Variants in TBC1D9 observed in about 807,000 individuals in gnomAD.
TBC1D9 encodes the protein TBC1 domain family member 9A.
In TBC1D9, 63 loss-of-function variants were observed where a neutral mutation model predicts 132.0. That is an observed-to-expected ratio of 0.48 (90% confidence interval 0.39 to 0.59). TBC1D9 has a LOEUF of 0.59. Among genes scored for constraint, TBC1D9 ranks in the 20% least tolerant of loss-of-function variants. TBC1D9 has a pLI of 0.00. For missense variants in TBC1D9, 1,261 were observed against 1,592.7 expected (o/e 0.79, Z 3.54); for synonymous variants, 610 against 609.9 (o/e 1.00, Z 0.00).
intron 1 of TBC1D9, among the ~76,000 whole-genome samples, chr4:140,733,839 AC>A (rs1362097544): frequency 6.6e-6 from 1 of 152,238 alleles, no homozygotes; most frequent in Non-Finnish European, 1.5e-5. Context: ...ATTCAAAAAA[AC>A]AAATGGGCTG....
At position 140,659,616 on chromosome 4, in the gene TBC1D9, G is replaced by A; in HGVS notation, c.1893C>T (p.Leu631=). ...WLLVALCERM[L]PDYYNTRVVG... ...CAACTCTGGTGTTGTAGTAATCTGG[G>A]AGCATGCGCTCACACAAAGCCACAA... is the stretch of plus-strand genomic sequence containing the variant. The change falls in exon 11 of 21, where the codon CTC becomes CTT. Residue 631 remains leucine (L), a synonymous_variant. Coordinates refer to ENST00000442267, the MANE Select transcript of TBC1D9 (RefSeq NM_015130.3). 1.2e-6 allele frequency: 2 copies of A among 1,602,744 alleles called. No individual in the cohort carries two copies. Among genetic ancestry groups the A allele is most frequent in the Non-Finnish European group, 1.7e-6 (2 of 1,174,646 alleles).
intron 1 of TBC1D9, among the ~76,000 whole-genome samples, chr4:140,717,556 A>G (rs1738354140): frequency 1.3e-5 from 2 of 152,240 alleles, no homozygotes; most frequent in South Asian, 4.1e-4. Context: ...TATACTGGGT[A>G]CAATAAACCT....
chr4:140,659,314 G>A (rs1737322676), intron 11 of TBC1D9: 2 of 260,424 alleles, frequency 7.7e-6, no homozygotes, highest in Non-Finnish European at 1.4e-5. Context: ...CATACCTGGT[G>A]TAGCTCTCAC....
At chr4:140,718,795 C>T (rs889874416) in intron 1 of TBC1D9, among the ~76,000 whole-genome samples, 2 of 152,102 alleles carry the variant, frequency 1.3e-5, no homozygotes, top group Admixed American at 1.3e-4. Context: ...AAAGTGGATT[C>T]AGTCTTGGCC....
chr4:140,634,414 G>C (rs912307464), intron 15 of TBC1D9, among the ~76,000 whole-genome samples: 2 of 152,088 alleles, frequency 1.3e-5, no homozygotes, highest in African/African-American at 2.4e-5. Context: ...CATCTGGAAG[G>C]TCTGCTTCAA....
Position 140,622,720 on chromosome 4 carries a change from T to G in TBC1D9, c.3276A>C (p.Pro1092=), listed in dbSNP as rs770178825. Residue 1092 remains proline (P), a synonymous_variant, in exon 21 of 21, where the codon CCA becomes CCC. Coordinates refer to ENST00000442267, the MANE Select transcript of TBC1D9 (RefSeq NM_015130.3). The part of the protein sequence containing the change: ...GSGPSCHQGI[P]GVLFPKKGPG... Reference sequence around the variant, plus strand: ...GCCCTTTCTTGGGGAAGAGCACGCCTGGGATGCCCTGGTGGCAGGACGGCC... The same window carrying G: ...GCCCTTTCTTGGGGAAGAGCACGCCGGGGATGCCCTGGTGGCAGGACGGCC... The G allele has an allele frequency of 2.2e-5, 35 of 1,609,942 alleles. No individual in the cohort carries two copies. The highest frequency in any genetic ancestry group is 2.8e-5 in the Non-Finnish European group (33 of 1,179,694).
rs1203987696 is a variant in TBC1D9, at chr4:140,669,773, G to C, written c.1298C>G (p.Ser433Cys). Residue 433 changes from serine to cysteine, a missense_variant, in exon 8 of 21, where the codon TCC (serine) becomes TGC (cysteine). Ser to Cys is a moderately radical substitution (Grantham distance 112, BLOSUM62 -1). Coordinates refer to ENST00000442267, the MANE Select transcript of TBC1D9 (RefSeq NM_015130.3). The stretch of plus-strand genomic sequence containing the variant: ...AGAGCTCGTGCTTCTCTGGGGGCTG[G>C]AGGAGACGAGGCTGCTGGGTCGAGA... ...VYSRPSSLVSSSPQRSTSSDA... is the reference protein window; with the variant it reads ...VYSRPSSLVSCSPQRSTSSDA... The C allele has an allele frequency of 6.2e-7, 1 of 1,613,884 alleles. No homozygotes were observed. The highest frequency in any genetic ancestry group is 8.5e-7 in the Non-Finnish European group (1 of 1,179,824).
At chr4:140,658,159 C>T (rs542872486) in intron 11 of TBC1D9, among the ~76,000 whole-genome samples, 5 of 152,278 alleles carry the variant, frequency 3.3e-5, no homozygotes, top group African/African-American at 9.6e-5. Flanking sequence ...GATGTACATC[C>T]AAGTACAGTC....
rs115811614 is a variant in TBC1D9, at chr4:140,673,304, C to A, written c.1060-2378G>T. 7.3e-3 allele frequency among the ~76,000 whole-genome samples: 1,118 copies of A among 152,250 alleles called. 7 individuals carry two copies. The highest frequency in any genetic ancestry group is 0.025 in the African/African-American group (1,029 of 41,532). On this transcript the variant is annotated intron_variant, in intron 6 of 20. Coordinates refer to ENST00000442267, the MANE Select transcript of TBC1D9 (RefSeq NM_015130.3). The stretch of plus-strand genomic sequence containing the variant: ...CAATATGTAGAATGTGTGTTAAAAA[C>A]CTCCAGTCAATATTTCAGCTTATTT...
chr4:140,661,236 T>A (rs114545361), intron 10 of TBC1D9, among the ~76,000 whole-genome samples: 1,604 of 152,286 alleles, frequency 0.011, 25 homozygotes, highest in African/African-American at 0.036. Flanking sequence ...GATTCTAAGG[T>A]CACGTTATTT....
chr4:140,687,981 T>C (rs1737814115), intron 2 of TBC1D9, among the ~76,000 whole-genome samples: 1 of 151,866 alleles, frequency 6.6e-6, no homozygotes, highest in Admixed American at 6.6e-5. Flanking sequence ...TCCAGCTACT[T>C]GGGAGGAGGA....
intron 1 of TBC1D9, among the ~76,000 whole-genome samples, chr4:140,719,621 C>T (rs1352804896): frequency 1.2e-4 from 19 of 152,126 alleles, no homozygotes; most frequent in Admixed American, 1.2e-3. Flanking sequence ...AGACACTGAG[C>T]ACCTGTGGAG....
At chr4:140,684,182 G>T (rs1222719231) in intron 3 of TBC1D9, among the ~76,000 whole-genome samples, 1 of 151,492 alleles carries the variant, frequency 6.6e-6, no homozygotes, top group Non-Finnish European at 1.5e-5. Context: ...TGGGTGGATT[G>T]CTTGAGCCTA....
At chr4:140,626,072 T>G (rs774841369) in intron 18 of TBC1D9, among the ~76,000 whole-genome samples, 4 of 152,206 alleles carry the variant, frequency 2.6e-5, no homozygotes, top group Non-Finnish European at 5.9e-5. Flanking sequence ...AGAGAATCCC[T>G]TTCTGAGATG....
chr4:140,632,926 C>G (rs188216723), intron 16 of TBC1D9, among the ~76,000 whole-genome samples: 1 of 152,320 alleles, frequency 6.6e-6, no homozygotes, highest in Admixed American at 6.5e-5. Flanking sequence ...AGTATCACAA[C>G]AGTATCTGCA....
At chr4:140,743,526 GAGT>G (rs759087897) in intron 1 of TBC1D9, among the ~76,000 whole-genome samples, 28 of 152,176 alleles carry the variant, frequency 1.8e-4, no homozygotes, top group Non-Finnish European at 3.8e-4. Flanking sequence ...AAGGACTAAA[GAGT>G]AGAAGTCAGT....
chr4:140,686,449 T>C lies in TBC1D9; in HGVS notation c.255A>G (p.Lys85=), dbSNP rs765163946. The change falls in exon 3 of 21, where the codon AAA becomes AAG. Residue 85 remains lysine, a synonymous_variant. Coordinates refer to ENST00000442267, the MANE Select transcript of TBC1D9 (RefSeq NM_015130.3). ...GCCATTCCCAGTGTTCAGTGATTTC[T>C]TTCCTGGAACCACCTGTACAAATGA... is the stretch of plus-strand genomic sequence containing the variant. ...YWTIACGGSR[K]EITEHWEWLE... is the part of the protein sequence containing the mutation. 16 of 1,603,332 alleles carry C rather than the reference T, an allele frequency of 1.0e-5. No individual in the cohort carries two copies. The South Asian group carries it at 1.6e-4, about 16-fold the overall frequency.
In TBC1D9 at chr4:140,622,191, C is replaced by G. The variant is rs755230264; in HGVS notation, c.*4G>C. 1 of 1,567,926 alleles carries G rather than the reference C, an allele frequency of 6.4e-7. No homozygotes were observed. The highest frequency in any genetic ancestry group is 1.2e-5 in the South Asian group (1 of 86,210). ...CCTCCCACTCCCCCGGGAAGGCGCC[C>G]GTGTCAGCCGGACATGGCCGAGATT... On this transcript the variant is annotated 3_prime_UTR_variant, in exon 21 of 21. Coordinates refer to ENST00000442267, the MANE Select transcript of TBC1D9 (RefSeq NM_015130.3).
chr4:140,698,062 CTTCT>C (rs1240497638), intron 2 of TBC1D9, among the ~76,000 whole-genome samples: 1 of 152,178 alleles, frequency 6.6e-6, no homozygotes, highest in East Asian at 1.9e-4. Flanking sequence ...TAACTTTTAA[CTTCT>C]TTCTTTTTAG....
Sources: allele counts gnomAD v4.1 joint callset (sites outside exome capture counted in the v4.1 genomes callset), GRCh38; gene constraint gnomAD v4.1.1; transcripts MANE v1.5; gene names NCBI Gene and HGNC (gene_info 2026-07-23, HGNC 2026-07-21).